Variants in ERBB4 observed in about 807,000 individuals in gnomAD.
ERBB4 encodes receptor tyrosine-protein kinase erbB-4.
A neutral mutation model predicts 158.0 loss-of-function variants in ERBB4; 42 were observed. The ratio of observed to expected loss-of-function variants is 0.27; its 90% CI spans 0.21 to 0.34. The LOEUF is 0.34. ERBB4 is among the 10% of genes least tolerant of loss of function. The pLI is 1.00. For missense variants in ERBB4, 1,333 were observed against 1,624.1 expected, an observed-to-expected ratio of 0.82 and a Z score of 3.08; for synonymous variants, 583 against 558.7, an observed-to-expected ratio of 1.04 and a Z score of -0.61.
At chr2:211,398,900 G>A (rs2062976796) in intron 25 of ERBB4, among the ~76,000 whole-genome samples, 1 of 152,178 alleles carries the variant, frequency 6.6e-6, no homozygotes, top group South Asian at 2.1e-4. Flanking sequence ...ATTATTTGTG[G>A]CATTGGAGGC....
intron 3 of ERBB4, among the ~76,000 whole-genome samples, chr2:211,877,623 G>C (rs1166812254): frequency 6.7e-6 from 1 of 150,080 alleles, no homozygotes; most frequent in Non-Finnish European, 1.5e-5. Flanking sequence ...AAATATGTTT[G>C]CTACTATACA....
chr2:211,854,727 G>A (rs773426926), intron 3 of ERBB4, among the ~76,000 whole-genome samples: 1 of 151,990 alleles, frequency 6.6e-6, no homozygotes, highest in African/African-American at 2.4e-5. Context: ...AATCATCTCA[G>A]CCTACTACTG....
intron 1 of ERBB4, among the ~76,000 whole-genome samples, chr2:212,159,042 GT>G (rs1346921130): frequency 6.6e-6 from 1 of 152,086 alleles, no homozygotes; most frequent in East Asian, 1.9e-4. Flanking sequence ...TCGATATGTT[GT>G]TTTTGAGTAG....
At chr2:211,980,885 C>T (rs775791890) in intron 2 of ERBB4, among the ~76,000 whole-genome samples, 25 of 152,056 alleles carry the variant, frequency 1.6e-4, no homozygotes, top group Admixed American at 1.2e-3. Context: ...TTTGAATTTT[C>T]GCCCCTTTCT....
At position 211,825,204 on chromosome 2, in the gene ERBB4, T is replaced by A. The variant is rs149936133; in HGVS notation, c.422-37045A>T. Among the ~76,000 whole-genome samples, 225 of 151,948 alleles carry A rather than the reference T, an allele frequency of 1.5e-3. 1 individual carries two copies. Among genetic ancestry groups the A allele is most frequent in the African/African-American group, 5.1e-3 (213 of 41,506 alleles). ...TAAGATGTTAAATTTACTGAATAGT[T>A]TGGACAAAATTAAAACATGTAGATT... On this transcript the variant is annotated intron_variant, in intron 3 of 27. Coordinates refer to ENST00000342788, the MANE Select transcript of ERBB4 (RefSeq NM_005235.3).
At position 212,291,197 on chromosome 2, in the gene ERBB4, C is replaced by T. The variant is rs1377217819; in HGVS notation, c.83-166294G>A. On this transcript the variant is annotated intron_variant, in intron 1 of 27. Transcript: ENST00000342788. ...ATATTTAACATTGAAATAACTTTAA[C>T]ACAGCCCATGACAAGTTTAAGGCAA... Among the ~76,000 whole-genome samples the T allele has an allele frequency of 3.9e-5, 6 of 152,090 alleles. 1 individual carries two copies. Among genetic ancestry groups the T allele is most frequent in the Non-Finnish European group, 8.8e-5 (6 of 67,998 alleles).
intron 2 of ERBB4, among the ~76,000 whole-genome samples, chr2:211,964,399 A>C (rs775882753): frequency 1.3e-5 from 2 of 152,200 alleles, no homozygotes; most frequent in Non-Finnish European, 2.9e-5. Context: ...AACTTTCAAC[A>C]GATGTTTTTT....
chr2:212,361,359 T>C (rs941110096), intron 1 of ERBB4, among the ~76,000 whole-genome samples: 8 of 151,644 alleles, frequency 5.3e-5, no homozygotes, highest in African/African-American at 1.7e-4. Context: ...GATGAAGCAG[T>C]GACATCTTTG....
chr2:212,398,451 A>G (rs1314785807), intron 1 of ERBB4, among the ~76,000 whole-genome samples: 1 of 152,166 alleles, frequency 6.6e-6, no homozygotes, highest in Non-Finnish European at 1.5e-5. Flanking sequence ...ATGGCTATAC[A>G]AGATCAATAG....
chr2:211,855,281 A>G (rs1196134765), intron 3 of ERBB4, among the ~76,000 whole-genome samples: 1 of 152,126 alleles, frequency 6.6e-6, no homozygotes, highest in Non-Finnish European at 1.5e-5. Flanking sequence ...AAAGTCTCCC[A>G]CTAAATGACT....
chr2:211,383,244 A>T lies in ERBB4; in HGVS notation c.*371T>A. ...ATGGGTGTTTCAACCATCTGCTTTA[A>T]AAAAAAAAAAAAAAAAGAAGAGGAA... On this transcript the variant is annotated 3_prime_UTR_variant, in exon 28 of 28. Transcript: ENST00000342788. 3 of 173,964 alleles carry T rather than the reference A, an allele frequency of 1.7e-5. No homozygotes were observed. Among genetic ancestry groups the T allele is most frequent in the South Asian group, 1.5e-4 (1 of 6,538 alleles). 10.8% of individuals were successfully genotyped at this position (173,964 alleles called of 1,614,324 possible).
intron 3 of ERBB4, among the ~76,000 whole-genome samples, chr2:211,938,409 G>A (rs897691302): frequency 1.3e-5 from 2 of 152,008 alleles, no homozygotes; most frequent in African/African-American, 4.8e-5. Flanking sequence ...CTGCTGGATT[G>A]GATTTAGTAA....
chr2:211,874,180 GCT>G (rs919156409), intron 3 of ERBB4, among the ~76,000 whole-genome samples: 5 of 152,028 alleles, frequency 3.3e-5, no homozygotes, highest in Admixed American at 3.3e-4. Context: ...AAAACCTGCT[GCT>G]CTCATTTTTT....
At chr2:211,852,511 T>G (rs2106037477) in intron 3 of ERBB4, among the ~76,000 whole-genome samples, 1 of 152,062 alleles carries the variant, frequency 6.6e-6, no homozygotes, top group South Asian at 2.1e-4. Context: ...CTGTGACTTT[T>G]AAGTGAAATG....
At chr2:211,629,450 T>C (rs1320590568) in intron 17 of ERBB4, among the ~76,000 whole-genome samples, 1 of 152,010 alleles carries the variant, frequency 6.6e-6, no homozygotes, top group Non-Finnish European at 1.5e-5. Flanking sequence ...AGAATCAATA[T>C]CGTGAAAATG....
intron 1 of ERBB4, among the ~76,000 whole-genome samples, chr2:212,529,881 C>T (rs1351593): frequency 0.17 from 25,655 of 151,990 alleles, 2,270 homozygotes; most frequent in African/African-American, 0.23. Context: ...AAGTAAGCCA[C>T]AAATTCCAGG....
Position 212,116,963 on chromosome 2 carries a change from T to A in ERBB4, c.234+7789A>T, listed in dbSNP as rs1367663641. 1.2e-4 allele frequency among the ~76,000 whole-genome samples: 18 copies of A among 152,262 alleles called. No homozygotes were observed. The East Asian group carries it at 2.9e-3, about 25-fold the overall frequency. On this transcript the variant is annotated intron_variant, in intron 2 of 27. Coordinates refer to ENST00000342788, the MANE Select transcript of ERBB4 (RefSeq NM_005235.3). ...CTAAGCCAAGTGTAAATTGCATAGCTTTTTCAAATGTAATACAAGTTCCAT... is the reference window on the plus strand; with the variant it reads ...CTAAGCCAAGTGTAAATTGCATAGCATTTTCAAATGTAATACAAGTTCCAT...
intron 20 of ERBB4, among the ~76,000 whole-genome samples, chr2:211,503,895 G>A (rs2065678690): frequency 6.6e-6 from 1 of 152,110 alleles, no homozygotes; most frequent in African/African-American, 2.4e-5. Context: ...GAGCCTGGTT[G>A]CAGGATTGCT....
At chr2:211,804,451 A>G (rs1330710952) in intron 3 of ERBB4, among the ~76,000 whole-genome samples, 1 of 152,128 alleles carries the variant, frequency 6.6e-6, no homozygotes, top group Non-Finnish European at 1.5e-5. Flanking sequence ...TTTGGAAACA[A>G]ATGAATTGAG....
Sources: allele counts gnomAD v4.1 joint callset (sites outside exome capture counted in the v4.1 genomes callset), GRCh38; gene constraint gnomAD v4.1.1; transcripts MANE v1.5; gene names NCBI Gene and HGNC (gene_info 2026-07-23, HGNC 2026-07-21).